Variants in BMPER observed in about 807,000 individuals in gnomAD.
BMPER encodes the protein BMP binding endothelial regulator.
Under a neutral mutation model 87.3 loss-of-function variants are expected in BMPER, and 45 were observed. The observed-to-expected ratio is 0.52, with a 90% confidence interval of 0.41 to 0.66. The LOEUF (loss-of-function observed/expected upper bound fraction) is 0.66, where lower values mean the gene tolerates loss of function less well. Among genes scored for constraint, BMPER ranks in the 30% least tolerant of loss-of-function variants. The pLI, the probability that BMPER is intolerant of heterozygous loss-of-function variation, is 0.00. For missense variants in BMPER, 784 were observed against 867.5 expected, an observed-to-expected ratio of 0.90 and a Z score of 1.21; for synonymous variants, 326 against 316.2, an observed-to-expected ratio of 1.03 and a Z score of -0.33.
chr7:34,132,887 T>A (rs1790630357), intron 13 of BMPER, among the ~76,000 whole-genome samples: 1 of 152,152 alleles, frequency 6.6e-6, no homozygotes, highest in South Asian at 2.1e-4. Context: ...TCAGACTTGG[T>A]AGATGTGAAA....
At chr7:34,103,769 T>C (rs1395746966) in intron 13 of BMPER, among the ~76,000 whole-genome samples, 1 of 152,178 alleles carries the variant, frequency 6.6e-6, no homozygotes, top group Non-Finnish European at 1.5e-5. Flanking sequence ...TTTGAAGAGC[T>C]GCTATAAAGG....
chr7:34,121,598 G>A (rs1790264515), intron 13 of BMPER, among the ~76,000 whole-genome samples: 1 of 152,174 alleles, frequency 6.6e-6, no homozygotes, highest in Non-Finnish European at 1.5e-5. Flanking sequence ...GGGTTACAGA[G>A]ACAGTTTTCA....
At position 34,051,989 on chromosome 7, in the gene BMPER, G is replaced by T; in HGVS notation, c.786+19G>T. On this transcript the variant is annotated intron_variant, in intron 8 of 14. Transcript: ENST00000649409. ...CTGCAGGGTAAGGCAGCTCTGAGAG[G>T]CTGTGGTCCAGCAATGATAGGGTTT... 1 of 1,589,546 alleles carries T rather than the reference G, an allele frequency of 6.3e-7. No homozygotes were observed. The highest frequency in any genetic ancestry group is 8.6e-7 in the Non-Finnish European group (1 of 1,157,710).
chr7:33,930,271 T>A (rs543996431), intron 2 of BMPER, among the ~76,000 whole-genome samples: 6 of 152,254 alleles, frequency 3.9e-5, no homozygotes, highest in Admixed American at 3.3e-4. Flanking sequence ...ACTTAGGGTT[T>A]GTGGCTGACC....
chr7:34,004,286 A>G (rs928317618), intron 6 of BMPER, among the ~76,000 whole-genome samples: 1 of 152,028 alleles, frequency 6.6e-6, no homozygotes, highest in African/African-American at 2.4e-5. Context: ...ATTAGAAGTG[A>G]TTGTTATACT....
intron 6 of BMPER, among the ~76,000 whole-genome samples, chr7:34,042,496 A>C (rs1787857875): frequency 6.6e-6 from 1 of 152,206 alleles, no homozygotes; most frequent in Non-Finnish European, 1.5e-5. Context: ...TTACATGCTG[A>C]AATTGAATTT....
chr7:33,945,632 T>C (rs183182416), intron 3 of BMPER, among the ~76,000 whole-genome samples: 1 of 152,234 alleles, frequency 6.6e-6, no homozygotes, highest in East Asian at 1.9e-4. Flanking sequence ...GTCCATGTAG[T>C]ATTGAAGCAC....
intron 14 of BMPER, among the ~76,000 whole-genome samples, chr7:34,145,690 T>C (rs1790998868): frequency 6.6e-6 from 1 of 152,240 alleles, no homozygotes; most frequent in Non-Finnish European, 1.5e-5. Flanking sequence ...CCTGGTATAA[T>C]GCAGGGCTCA....
chr7:34,114,182 G>A (rs547414315), intron 13 of BMPER, among the ~76,000 whole-genome samples: 23 of 152,224 alleles, frequency 1.5e-4, no homozygotes, highest in Admixed American at 7.8e-4. Flanking sequence ...GTTTTTCCAG[G>A]ATCTCTGGGA....
chr7:34,058,230 G>T, intron 10 of BMPER, 67 bp downstream of exon 10: 3 of 1,424,540 alleles, frequency 2.1e-6, no homozygotes, highest in Non-Finnish European at 2.0e-6. Flanking sequence ...TGGCACAGTC[G>T]CATGCCATCT....
At chr7:34,074,838 G>T (rs1400637177) in intron 11 of BMPER, among the ~76,000 whole-genome samples, 1 of 152,184 alleles carries the variant, frequency 6.6e-6, no homozygotes, top group Non-Finnish European at 1.5e-5. Flanking sequence ...CAAATTTCAT[G>T]TACAGAATTA....
intron 13 of BMPER, among the ~76,000 whole-genome samples, chr7:34,116,650 C>T (rs1790125108): frequency 6.6e-6 from 1 of 152,154 alleles, no homozygotes; most frequent in African/African-American, 2.4e-5. Flanking sequence ...TTTCATGATT[C>T]TTAACAAAAT....
At chr7:33,963,400 T>A (rs1785319296) in intron 3 of BMPER, among the ~76,000 whole-genome samples, 1 of 152,212 alleles carries the variant, frequency 6.6e-6, no homozygotes. Flanking sequence ...CATGTAATAA[T>A]AAAAGTTGGG....
intron 14 of BMPER, among the ~76,000 whole-genome samples, chr7:34,152,880 A>C (rs1348345117): frequency 6.6e-6 from 1 of 152,090 alleles, no homozygotes; most frequent in South Asian, 2.1e-4. Context: ...TCTTGTTCAG[A>C]TCTACCTGCA....
At chr7:33,995,063 CTT>C (rs1266189755) in intron 6 of BMPER, among the ~76,000 whole-genome samples, 2 of 151,904 alleles carry the variant, frequency 1.3e-5, no homozygotes, top group Non-Finnish European at 2.9e-5. Flanking sequence ...AAAATTTACT[CTT>C]TTTTGGGATA....
At chr7:34,063,379 A>ATG (rs10537332) in intron 11 of BMPER, among the ~76,000 whole-genome samples, 12,242 of 148,962 alleles carry the variant, frequency 0.082, 672 homozygotes, top group African/African-American at 0.16. Flanking sequence ...GGGTCACTAT[A>ATG]TGTGTGTGTG....
At chr7:33,912,113 A>C (rs1783978889) in intron 2 of BMPER, among the ~76,000 whole-genome samples, 1 of 151,810 alleles carries the variant, frequency 6.6e-6, no homozygotes, top group African/African-American at 2.4e-5. Flanking sequence ...CTTTCCATTA[A>C]ACATAAACAA....
At chr7:33,967,044 C>T (rs773221385) in intron 4 of BMPER, among the ~76,000 whole-genome samples, 2 of 152,158 alleles carry the variant, frequency 1.3e-5, no homozygotes, top group Non-Finnish European at 2.9e-5. Flanking sequence ...TAAAAAACCA[C>T]CAATTCAGCA....
intron 6 of BMPER, among the ~76,000 whole-genome samples, chr7:33,993,197 AT>A (rs1263782595): frequency 6.7e-6 from 1 of 149,146 alleles, no homozygotes; most frequent in Non-Finnish European, 1.5e-5. Flanking sequence ...CTCCTGGATA[AT>A]ATCCTGCAGA....
Sources: allele counts gnomAD v4.1 joint callset (sites outside exome capture counted in the v4.1 genomes callset), GRCh38; gene constraint gnomAD v4.1.1; transcripts MANE v1.5; gene names NCBI Gene and HGNC (gene_info 2026-07-23, HGNC 2026-07-21).